The following MEI1 variants were observed in gnomAD, a reference collection of about 807,000 sequenced individuals.
The protein encoded by MEI1 is meiotic double-stranded break formation protein 1, also known as meiosis inhibitor protein 1.
Under a neutral mutation model 146.2 loss-of-function variants are expected in MEI1, and 103 were observed. That is an observed-to-expected ratio of 0.70 (90% CI 0.60 to 0.83). The LOEUF is 0.83. Among genes scored for constraint, MEI1 ranks in the 40% least tolerant of loss-of-function variants. The pLI is 0.00. For synonymous variants in MEI1, 652 were observed against 628.2 expected, an observed-to-expected ratio of 1.04 and a Z score of -0.57; for missense variants, 1,529 against 1,533.0, an observed-to-expected ratio of 1.00 and a Z score of 0.04.
chr22:41,718,799 C>T (rs1296734121), intron 6 of MEI1, among the ~76,000 whole-genome samples: 3 of 152,088 alleles, frequency 2.0e-5, no homozygotes, highest in African/African-American at 4.8e-5. Flanking sequence ...CCCTCTTGCT[C>T]TGTCATCCCA....
chr22:41,702,089 C>T (rs1302639483), intron 1 of MEI1, among the ~76,000 whole-genome samples: 2 of 152,148 alleles, frequency 1.3e-5, no homozygotes, highest in Non-Finnish European at 2.9e-5. Flanking sequence ...AAAACAGGAG[C>T]CTTACAGTAG....
chr22:41,745,176 T>G (rs1341359459), intron 13 of MEI1, 112 bp downstream of exon 13: 1 of 769,242 alleles, frequency 1.3e-6, no homozygotes, highest in South Asian at 2.5e-5. Context: ...CTCTGCTGTA[T>G]GGCAAAGAGG....
chr22:41,789,344 C>T (rs1046623224), intron 26 of MEI1, among the ~76,000 whole-genome samples: 2 of 151,904 alleles, frequency 1.3e-5, no homozygotes, highest in Admixed American at 1.3e-4. Flanking sequence ...AAAATACTTT[C>T]GTAGAGATGA....
intron 2 of MEI1, among the ~76,000 whole-genome samples, chr22:41,704,784 G>C (rs2068960306): frequency 6.6e-6 from 1 of 151,428 alleles, no homozygotes; most frequent in Non-Finnish European, 1.5e-5. Flanking sequence ...GCATGATCTT[G>C]GCTCACTTCA....
At chr22:41,766,747 G>T (rs759120106) in intron 19 of MEI1, among the ~76,000 whole-genome samples, 1 of 150,974 alleles carries the variant, frequency 6.6e-6, no homozygotes, top group Non-Finnish European at 1.5e-5. Flanking sequence ...AGACGGACTG[G>T]TCTCAAACTC....
intron 11 of MEI1, among the ~76,000 whole-genome samples, chr22:41,741,959 A>G (rs5758445): frequency 1.7e-4 from 25 of 150,518 alleles, no homozygotes; most frequent in East Asian, 7.8e-4. Flanking sequence ...AAAAAAAAAA[A>G]AGAGAAAAGA....
At chr22:41,777,289 G>A (rs57458412) in intron 21 of MEI1, among the ~76,000 whole-genome samples, 1,893 of 151,670 alleles carry the variant, frequency 0.012, 32 homozygotes, top group African/African-American at 0.043. Context: ...CATAGTAGCT[G>A]GAATTACAGG....
chr22:41,750,532 C>A (rs2147840728), intron 15 of MEI1, among the ~76,000 whole-genome samples: 1 of 152,222 alleles, frequency 6.6e-6, no homozygotes, highest in South Asian at 2.1e-4. Flanking sequence ...ACAGGATACA[C>A]AACTATTTTA....
rs1269613148 is a variant in MEI1 at position 41,699,687 on chromosome 22, A to G, written c.149A>G (p.Glu50Gly). 1.9e-6 allele frequency: 3 copies of G among 1,587,068 alleles called. No homozygotes were observed. The highest frequency in any genetic ancestry group is 3.5e-4 in the Middle Eastern group (2 of 5,704). The stretch of plus-strand genomic sequence containing the variant: ...CGCCTGTGCCTGGCCTGCGCGCTGG[A>G]GCTGCTGCCGGACCCCGGCGTGTCG... The part of the protein sequence containing the change: ...TPRLCLACAL[E>G]LLPDPGVSLV... The change falls in exon 1 of 31, where the codon GAG becomes GGG. Residue 50 changes from glutamate (E) to glycine (G), a missense_variant. Physicochemically the swap from Glu to Gly is moderately conservative, Grantham distance 98 (BLOSUM62 -2). This residue lies in a region of MEI1 where 1,212 missense variants were observed against 1,178.9 expected (regional missense o/e 1.03). Transcript: ENST00000401548.
intron 4 of MEI1, 84 bp downstream of exon 4, chr22:41,714,159 TGAA>T: frequency 7.4e-7 from 1 of 1,346,958 alleles, no homozygotes; most frequent in Non-Finnish European, 1.0e-6. Context: ...AATGAGAGAT[TGAA>T]GTCCAGGGAG....
chr22:41,721,031 G>A (rs1180877593), intron 6 of MEI1, among the ~76,000 whole-genome samples: 1 of 151,424 alleles, frequency 6.6e-6, no homozygotes, highest in Non-Finnish European at 1.5e-5. Context: ...CACCCACCTC[G>A]GCCTCCCAAA....
At chr22:41,783,428 G>C (rs2075837052) in intron 24 of MEI1, among the ~76,000 whole-genome samples, 1 of 152,068 alleles carries the variant, frequency 6.6e-6, no homozygotes, top group Non-Finnish European at 1.5e-5. Flanking sequence ...TAGTAGCTGG[G>C]ATTACAGGCA....
chr22:41,736,046 G>A (rs906481323), intron 11 of MEI1, among the ~76,000 whole-genome samples: 4 of 152,092 alleles, frequency 2.6e-5, no homozygotes, highest in Non-Finnish European at 5.9e-5. Flanking sequence ...AAATCAAGGT[G>A]TCAGCAGGGC....
chr22:41,792,911 G>A (rs1390735501), intron 26 of MEI1, among the ~76,000 whole-genome samples: 1 of 89,374 alleles, frequency 1.1e-5, no homozygotes, highest in Admixed American at 1.5e-4. Context: ...GAAAGATCCT[G>A]TTGCTTTAAA....
intron 4 of MEI1, among the ~76,000 whole-genome samples, chr22:41,715,397 A>C (rs958987799): frequency 2.1e-5 from 3 of 142,740 alleles, no homozygotes; most frequent in Non-Finnish European, 4.6e-5. Flanking sequence ...GATAACAATA[A>C]TTTTTTTTTT....
At chr22:41,732,423 CA>C (rs779946142) in intron 10 of MEI1, 45 bp from the exon 11 acceptor site, 1 of 1,613,320 alleles carries the variant, frequency 6.2e-7, no homozygotes, top group African/African-American at 1.3e-5. Context: ...CTGGTGGGGT[CA>C]GTGAGAAGAG....
intron 3 of MEI1, among the ~76,000 whole-genome samples, chr22:41,711,760 C>A (rs1422549614): frequency 6.6e-6 from 1 of 152,102 alleles, no homozygotes; most frequent in African/African-American, 2.4e-5. Context: ...CTCAAAGCCA[C>A]CAGCAGAAGT....
intron 22 of MEI1, among the ~76,000 whole-genome samples, chr22:41,780,248 T>C (rs1455828429): frequency 1.3e-5 from 2 of 152,272 alleles, no homozygotes; most frequent in East Asian, 3.9e-4. Flanking sequence ...AGCACTTCTA[T>C]ATGACAGCAG....
At position 41,716,149 on chromosome 22, in the gene MEI1, G is replaced by A; in HGVS notation, c.529+3G>A. The A allele has an allele frequency of 6.3e-7, 1 of 1,599,088 alleles. No individual in the cohort carries two copies. The highest frequency in any genetic ancestry group is 8.5e-7 in the Non-Finnish European group (1 of 1,171,626). On this transcript the variant is annotated splice_donor_region_variant and intron_variant, in intron 5 of 30. Transcript: ENST00000401548. ...AGACGAGCTTGTAATGGAGCATGGT[G>A]AGTGACCTGTGGGAGGAGCTGCCAC...
Sources: gnomAD v4.1 joint callset for allele counts (sites outside exome capture counted in the v4.1 genomes callset) on GRCh38, gnomAD v4.1.1 for gene constraint, gnomAD v4.1.1 regional missense constraint, MANE v1.5 for transcripts, NCBI Gene and HGNC (gene_info 2026-07-23, HGNC 2026-07-21) for gene names.